MAGI2: variants seen among roughly 807,000 people sequenced by gnomAD.
The protein encoded by MAGI2 is membrane associated guanylate kinase, WW and PDZ domain containing 2, also known as membrane-associated guanylate kinase, WW and PDZ domain-containing protein 2.
Under a neutral mutation model 133.3 loss-of-function variants are expected in MAGI2, and 35 were observed. The ratio of observed to expected loss-of-function variants is 0.26; its 90% CI spans 0.20 to 0.35. MAGI2 has a LOEUF of 0.35. Among genes scored for constraint, MAGI2 ranks in the 10% least tolerant of loss-of-function variants. MAGI2 has a pLI of 1.00. For missense variants in MAGI2, 1,636 were observed against 1,863.4 expected, an observed-to-expected ratio of 0.88 and a Z score of 2.25; for synonymous variants, 729 against 710.6, an observed-to-expected ratio of 1.03 and a Z score of -0.41.
rs547191485 is a variant in MAGI2, at chr7:78,092,243, A to T, written c.3568-13158T>A. 3.3e-5 allele frequency among the ~76,000 whole-genome samples: 5 copies of T among 152,344 alleles called. No individual in the cohort carries two copies. The East Asian group carries it at 9.6e-4, about 29-fold the overall frequency. The stretch of plus-strand genomic sequence containing the variant: ...TAGCTTGATTTAAGGTCAGCTCTTC[A>T]GAGAATCTGTACTCTTTGCCATAAT... On this transcript the variant is annotated intron_variant, in intron 20 of 21. Transcript: ENST00000354212.
chr7:79,219,883 T>G (rs1460372314), intron 1 of MAGI2, among the ~76,000 whole-genome samples: 1 of 152,074 alleles, frequency 6.6e-6, no homozygotes, highest in Admixed American at 6.5e-5. Flanking sequence ...ATGTATATTT[T>G]TAATTTCTCT....
intron 2 of MAGI2, among the ~76,000 whole-genome samples, chr7:78,843,865 G>T (rs754566712): frequency 6.6e-6 from 1 of 150,718 alleles, no homozygotes; most frequent in Non-Finnish European, 1.5e-5. Context: ...AGTTTTTGAG[G>T]GTTGGCTTTC....
chr7:79,396,091 G>A (rs1203997644), intron 1 of MAGI2, among the ~76,000 whole-genome samples: 2 of 151,964 alleles, frequency 1.3e-5, no homozygotes, highest in Non-Finnish European at 1.5e-5. Context: ...TTAGCCCAGC[G>A]ACTGTTGTAA....
At chr7:78,288,249 T>C (rs1796347828) in intron 9 of MAGI2, among the ~76,000 whole-genome samples, 1 of 152,152 alleles carries the variant, frequency 6.6e-6, no homozygotes, top group Non-Finnish European at 1.5e-5. Flanking sequence ...AAATTTAACA[T>C]GACAATGTAA....
chr7:78,654,721 A>G (rs970363566), intron 2 of MAGI2, among the ~76,000 whole-genome samples: 5,574 of 76,456 alleles, frequency 0.073, 193 homozygotes, highest in South Asian at 0.12. Context: ...ATATATATAT[A>G]TATATATATA....
intron 2 of MAGI2, among the ~76,000 whole-genome samples, chr7:78,698,463 C>T (rs1188741440): frequency 6.6e-6 from 1 of 152,172 alleles, no homozygotes; most frequent in Non-Finnish European, 1.5e-5. Flanking sequence ...TGCTTAGTTA[C>T]CCTGAATACA....
In MAGI2 at chr7:79,214,617, TATAA is replaced by T. The variant is rs1829847740; in HGVS notation, c.302-207415_302-207412del. ...AGAGTGCAAACAAAAGAAAAATTTA[TATAA>T]ATATATATAAATTTTATATATTTAT... is the stretch of plus-strand genomic sequence containing the variant. On this transcript the variant is annotated intron_variant, in intron 1 of 21. Coordinates refer to ENST00000354212, the MANE Select transcript of MAGI2 (RefSeq NM_012301.4). Among the ~76,000 whole-genome samples, 4 of 141,090 alleles carry T rather than the reference TATAA, an allele frequency of 2.8e-5. No homozygotes were observed. The South Asian group carries it at 8.5e-4, about 30-fold the overall frequency. 92.6% of individuals were successfully genotyped at this position (141,090 alleles called of 152,430 possible). A position where few individuals can be genotyped will look rare whatever the true frequency, so the allele number is the denominator to read the frequency against.
chr7:79,419,410 A>G (rs1846777666), intron 1 of MAGI2, among the ~76,000 whole-genome samples: 1 of 152,074 alleles, frequency 6.6e-6, no homozygotes, highest in Admixed American at 6.6e-5. Flanking sequence ...AGTAAGAAAA[A>G]GGAAAATGTG....
intron 1 of MAGI2, among the ~76,000 whole-genome samples, chr7:79,299,121 G>T (rs1288466614): frequency 6.6e-6 from 1 of 152,100 alleles, no homozygotes; most frequent in Non-Finnish European, 1.5e-5. Context: ...GCAATGTGAT[G>T]GGTTTTATAA....
At chr7:78,507,862 A>T (rs1795222419) in intron 4 of MAGI2, among the ~76,000 whole-genome samples, 1 of 152,234 alleles carries the variant, frequency 6.6e-6, no homozygotes, top group Non-Finnish European at 1.5e-5. Flanking sequence ...GGTCCAAATG[A>T]TATGTAATAA....
chr7:78,299,134 A>G (rs943391008), intron 9 of MAGI2, among the ~76,000 whole-genome samples: 3 of 152,138 alleles, frequency 2.0e-5, no homozygotes, highest in African/African-American at 7.2e-5. Context: ...GTTTTAAAAT[A>G]AAAAGTTAAT....
chr7:78,638,238 G>A (rs186349825), intron 2 of MAGI2, among the ~76,000 whole-genome samples: 57 of 152,278 alleles, frequency 3.7e-4, no homozygotes, highest in Middle Eastern at 3.4e-3. Flanking sequence ...TAAATGACCA[G>A]ATTTAATTAC....
At chr7:79,366,498 C>A (rs959728565) in intron 1 of MAGI2, among the ~76,000 whole-genome samples, 1 of 151,976 alleles carries the variant, frequency 6.6e-6, no homozygotes, top group Non-Finnish European at 1.5e-5. Flanking sequence ...AATATGAAAA[C>A]CTACTGAGCT....
intron 2 of MAGI2, among the ~76,000 whole-genome samples, chr7:78,999,262 T>C (rs1806621756): frequency 6.6e-6 from 1 of 151,640 alleles, no homozygotes; most frequent in Admixed American, 6.6e-5. Flanking sequence ...TTTTATGTGG[T>C]TGCGAAGATC....
intron 2 of MAGI2, among the ~76,000 whole-genome samples, chr7:78,683,994 A>G (rs927909002): frequency 6.6e-6 from 1 of 152,198 alleles, no homozygotes; most frequent in Non-Finnish European, 1.5e-5. Context: ...TCCCAGTGAT[A>G]CAACAGAAGG....
In MAGI2 at chr7:78,270,259, G is replaced by C. The variant is rs546751981; in HGVS notation, c.1409-13678C>G. ...GTCTTGGCTGTGAGGGCTCTTTTTT[G>C]ATTCTGTATGAAATTTGAAGTAGTT... On this transcript the variant is annotated intron_variant, in intron 9 of 21. Transcript: ENST00000354212. 2.0e-5 allele frequency among the ~76,000 whole-genome samples: 3 copies of C among 152,232 alleles called. No individual in the cohort carries two copies. In the East Asian group the frequency reaches 5.8e-4, roughly 29 times the overall value.
intron 4 of MAGI2, among the ~76,000 whole-genome samples, chr7:78,516,117 G>A (rs1367182499): frequency 6.6e-6 from 1 of 152,148 alleles, no homozygotes; most frequent in African/African-American, 2.4e-5. Flanking sequence ...ATTTTTATTG[G>A]ATTTTGAATA....
intron 1 of MAGI2, among the ~76,000 whole-genome samples, chr7:79,204,648 TG>T (rs1183793101): frequency 6.6e-6 from 1 of 151,992 alleles, no homozygotes; most frequent in Non-Finnish European, 1.5e-5. Context: ...ATAACCTGCT[TG>T]ACAAAGAATT....
chr7:79,358,101 C>T (rs1444824990), intron 1 of MAGI2, among the ~76,000 whole-genome samples: 1 of 151,630 alleles, frequency 6.6e-6, no homozygotes. Context: ...TACTAGGTCC[C>T]TACATTAAAA....
Sources: allele counts gnomAD v4.1 joint callset (sites outside exome capture counted in the v4.1 genomes callset), GRCh38; gene constraint gnomAD v4.1.1; transcripts MANE v1.5; gene names NCBI Gene and HGNC (gene_info 2026-07-23, HGNC 2026-07-21).